The following RAPGEF6 variants were observed in gnomAD, a reference collection of about 807,000 sequenced individuals.
RAPGEF6 encodes Rap guanine nucleotide exchange factor 6.
Under a neutral mutation model 171.4 loss-of-function variants are expected in RAPGEF6, and 56 were observed. The observed-to-expected ratio is 0.33, with a 90% CI of 0.26 to 0.41. The LOEUF (loss-of-function observed/expected upper bound fraction) is 0.41. Among genes scored for constraint, RAPGEF6 ranks in the 10% least tolerant of loss-of-function variants. The pLI, the probability that RAPGEF6 is intolerant of heterozygous loss-of-function variation, is 1.00. For missense variants in RAPGEF6, 1,674 were observed against 1,921.4 expected (o/e 0.87, Z 2.41); for synonymous variants, 692 against 650.1 (o/e 1.06, Z -0.98).
At chr5:131,511,481 C>CTTTTTTTTTTTTTTTT (rs55782171) in intron 7 of RAPGEF6, among the ~76,000 whole-genome samples, 5 of 137,326 alleles carry the variant, frequency 3.6e-5, no homozygotes, top group Non-Finnish European at 4.6e-5. Flanking sequence ...AAAAGATCAT[C>CTTTTTTTTTTTTTTTT]TTTTTTTTTT....
intron 21 of RAPGEF6, among the ~76,000 whole-genome samples, chr5:131,450,929 C>T (rs970430321): frequency 1.3e-5 from 2 of 152,138 alleles, no homozygotes; most frequent in Non-Finnish European, 2.9e-5. Flanking sequence ...TGAAGTATGG[C>T]TAGTACTTAG....
intron 14 of RAPGEF6, 82 bp downstream of exon 14, chr5:131,492,500 G>T: frequency 1.5e-6 from 2 of 1,374,980 alleles, no homozygotes; most frequent in South Asian, 1.2e-5. Context: ...AACTGATCAT[G>T]CTTTCTGGAA....
intron 24 of RAPGEF6, chr5:131,435,613 T>C (rs1751963832): frequency 5.3e-6 from 1 of 187,206 alleles, no homozygotes; most frequent in African/African-American, 2.4e-5. Flanking sequence ...TTTAACAAGT[T>C]TCCCAGATGA....
At chr5:131,588,158 C>T (rs923456000) in intron 4 of RAPGEF6, among the ~76,000 whole-genome samples, 1 of 152,036 alleles carries the variant, frequency 6.6e-6, no homozygotes, top group Non-Finnish European at 1.5e-5. Context: ...TTTGCTTCCC[C>T]TCCCAACAAC....
At chr5:131,476,540 A>G (rs1201748767) in intron 16 of RAPGEF6, among the ~76,000 whole-genome samples, 1 of 152,000 alleles carries the variant, frequency 6.6e-6, no homozygotes, top group Non-Finnish European at 1.5e-5. Context: ...GCTCGCCACA[A>G]CCTCCATCTC....
chr5:131,433,887 A>G (rs1171951747), intron 24 of RAPGEF6, among the ~76,000 whole-genome samples: 3 of 152,202 alleles, frequency 2.0e-5, no homozygotes, highest in African/African-American at 7.2e-5. Context: ...CACATTCAAG[A>G]AAAAGACAGT....
At chr5:131,579,855 T>A (rs1762834000) in intron 4 of RAPGEF6, among the ~76,000 whole-genome samples, 1 of 152,204 alleles carries the variant, frequency 6.6e-6, no homozygotes, top group Admixed American at 6.5e-5. Flanking sequence ...GAGTGCTGAT[T>A]GGCGCATATA....
chr5:131,469,268 T>C (rs1044869147), intron 17 of RAPGEF6, among the ~76,000 whole-genome samples: 2 of 152,190 alleles, frequency 1.3e-5, no homozygotes, highest in East Asian at 3.8e-4. Flanking sequence ...AAATAATAAC[T>C]AAATTCTGAG....
chr5:131,480,503 G>A (rs1399808244), intron 15 of RAPGEF6, among the ~76,000 whole-genome samples: 1 of 151,152 alleles, frequency 6.6e-6, no homozygotes, highest in African/African-American at 2.5e-5. Flanking sequence ...TTTTGAGACA[G>A]AGTCTCACTC....
At chr5:131,543,348 T>C (rs1275592331) in intron 6 of RAPGEF6, among the ~76,000 whole-genome samples, 1 of 152,156 alleles carries the variant, frequency 6.6e-6, no homozygotes, top group Non-Finnish European at 1.5e-5. Context: ...AATTAAATAA[T>C]ACTTTTCACG....
At chr5:131,631,125 A>G (rs1235475270) in intron 1 of RAPGEF6, among the ~76,000 whole-genome samples, 1 of 152,016 alleles carries the variant, frequency 6.6e-6, no homozygotes, top group Admixed American at 6.6e-5. Context: ...CTCTACGTAC[A>G]CTCACTACTT....
intron 1 of RAPGEF6, among the ~76,000 whole-genome samples, chr5:131,611,008 C>G (rs1764903451): frequency 6.6e-6 from 1 of 152,152 alleles, no homozygotes; most frequent in Non-Finnish European, 1.5e-5. Context: ...ATAACTGAGC[C>G]TGGTAAAAAT....
chr5:131,474,785 T>A (rs561655967), intron 16 of RAPGEF6, among the ~76,000 whole-genome samples: 2 of 152,222 alleles, frequency 1.3e-5, no homozygotes, highest in East Asian at 1.9e-4. Context: ...AAAGATTTTT[T>A]AAAAAAACAG....
At chr5:131,440,270 T>C (rs766246664) in intron 23 of RAPGEF6, 3 of 455,882 alleles carry the variant, frequency 6.6e-6, no homozygotes, top group South Asian at 3.1e-5. Context: ...CATGAATGTA[T>C]AGAAAAATAG....
intron 15 of RAPGEF6, among the ~76,000 whole-genome samples, chr5:131,481,492 A>G (rs897714783): frequency 6.6e-6 from 1 of 152,120 alleles, no homozygotes; most frequent in Non-Finnish European, 1.5e-5. Flanking sequence ...AGCCTTCCAA[A>G]GTGCTGGGAT....
Position 131,432,495 on chromosome 5 carries a change from G to A in RAPGEF6, c.3974+935C>T, listed in dbSNP as rs547484303. On this transcript the variant is annotated intron_variant, in intron 25 of 27. Transcript: ENST00000509018. ...TAGCCGGGCGTGGTGGTGGGCGCCT[G>A]TAGTCCCAGCTACTCGGGAGGCTGA... Among the ~76,000 whole-genome samples the A allele has an allele frequency of 7.2e-5, 11 of 152,244 alleles. No individual in the cohort carries two copies. The South Asian group carries it at 1.9e-3, about 26-fold the overall frequency.
intron 1 of RAPGEF6, among the ~76,000 whole-genome samples, chr5:131,616,281 A>C (rs1765258411): frequency 1.3e-5 from 2 of 152,248 alleles, no homozygotes; most frequent in African/African-American, 2.4e-5. Context: ...ATTCTTACTT[A>C]CAGCATTCAT....
At chr5:131,578,257 T>G (rs760613342) in intron 4 of RAPGEF6, among the ~76,000 whole-genome samples, 2 of 152,112 alleles carry the variant, frequency 1.3e-5, no homozygotes, top group Non-Finnish European at 2.9e-5. Context: ...TCTCCCTAGT[T>G]ACCTCCAGCA....
At chr5:131,528,845 G>A (rs1228967406) in intron 6 of RAPGEF6, among the ~76,000 whole-genome samples, 1 of 152,148 alleles carries the variant, frequency 6.6e-6, no homozygotes, top group Non-Finnish European at 1.5e-5. Context: ...GGACTTTGAA[G>A]AAAGTCTGTC....
Sources: gnomAD v4.1 joint callset for allele counts (sites outside exome capture counted in the v4.1 genomes callset) on GRCh38, gnomAD v4.1.1 for gene constraint, MANE v1.5 for transcripts, NCBI Gene and HGNC (gene_info 2026-07-23, HGNC 2026-07-21) for gene names.